The following USP24 variants were observed in gnomAD, a reference collection of about 807,000 sequenced individuals.
USP24 encodes ubiquitin specific peptidase 24.
Under a neutral mutation model 361.6 loss-of-function variants are expected in USP24, and 97 were observed. The observed-to-expected ratio is 0.27, with a 90% CI of 0.23 to 0.32. USP24 has a LOEUF of 0.32. Among genes scored for constraint, USP24 ranks in the 10% least tolerant of loss-of-function variants. The probability of loss-of-function intolerance (pLI) is 1.00; values close to 1 mark genes in which losing one functional copy is unlikely to be tolerated. For synonymous variants in USP24, 1,098 were observed against 1,124.6 expected (o/e 0.98, Z 0.47); for missense variants, 2,353 against 3,165.6 (o/e 0.74, Z 6.16).
At chr1:55,171,128 C>T (rs1649402435) in intron 5 of USP24, among the ~76,000 whole-genome samples, 1 of 152,070 alleles carries the variant, frequency 6.6e-6, no homozygotes, top group Admixed American at 6.5e-5. Context: ...ATACTGGTTC[C>T]AGGCCTGAAA....
intron 38 of USP24, among the ~76,000 whole-genome samples, chr1:55,117,729 C>A (rs538109057): frequency 1.8e-5 from 2 of 109,808 alleles, no homozygotes. Context: ...GGCGACAGAG[C>A]GAGACTCCGT....
chr1:55,163,778 G>T (rs1026821212), intron 7 of USP24, among the ~76,000 whole-genome samples: 1 of 152,020 alleles, frequency 6.6e-6, no homozygotes, highest in Non-Finnish European at 1.5e-5. Flanking sequence ...TGAACAAAAT[G>T]AGGACTGAAA....
chr1:55,124,422 T>C, intron 35 of USP24, 47 bp downstream of exon 35: 1 of 1,563,906 alleles, frequency 6.4e-7, no homozygotes, highest in East Asian at 2.3e-5. Flanking sequence ...ATTCTTATGG[T>C]TATTTCTTAC....
chr1:55,084,527 G>A (rs1330952410), intron 56 of USP24: 1 of 152,276 alleles, frequency 6.6e-6, no homozygotes. Flanking sequence ...AAATTCATCT[G>A]TGATCTAGAT....
At chr1:55,138,493 T>C (rs974230663) in intron 26 of USP24, 115 bp downstream of exon 26, 9 of 684,788 alleles carry the variant, frequency 1.3e-5, no homozygotes, top group African/African-American at 1.3e-4. Context: ...TTATTCTACA[T>C]TTGTTTACCA....
At position 55,081,350 on chromosome 1, in the gene USP24, A is replaced by C; in HGVS notation, c.7050T>G (p.His2350Gln). ...LHNTVALLVL[H>Q]SDVSSQRNVA... ...CATTCCTTTGGGATGAGACATCTGA[A>C]TGCAAAACAAGTAACGCCACTGTAT... Residue 2350 changes from histidine to glutamine, a missense_variant, in exon 59 of 68, where the codon CAT becomes CAG. By Grantham distance (24) the His-to-Gln change is conservative. Around this residue, in one of 8 missense-constraint regions of USP24, gnomAD observed 598 missense variants for 761.9 expected, o/e 0.78. Coordinates refer to ENST00000294383, the MANE Select transcript of USP24 (RefSeq NM_015306.3). The C allele has an allele frequency of 6.2e-7, 1 of 1,613,736 alleles. No homozygotes were observed. Among genetic ancestry groups the C allele is most frequent in the Non-Finnish European group, 8.5e-7 (1 of 1,179,676 alleles).
chr1:55,085,903 AAC>A (rs750203887), intron 56 of USP24, 37 bp downstream of exon 56: 1 of 1,581,386 alleles, frequency 6.3e-7, no homozygotes, highest in Non-Finnish European at 8.7e-7. Flanking sequence ...ATTTGGTAAA[AAC>A]ACAGTGTATA....
At chr1:55,213,265 T>TA (rs1210166866) in intron 1 of USP24, among the ~76,000 whole-genome samples, 2 of 152,268 alleles carry the variant, frequency 1.3e-5, no homozygotes, top group Non-Finnish European at 2.9e-5. Context: ...TATGGGAATT[T>TA]AAAAAAATTC....
At position 55,142,228 on chromosome 1, in the gene USP24, G is replaced by A. The variant is rs115171970; in HGVS notation, c.2635-497C>T. Among the ~76,000 whole-genome samples, 62 of 152,182 alleles carry A rather than the reference G, an allele frequency of 4.1e-4. 1 individual carries two copies. The highest frequency in any genetic ancestry group is 1.3e-3 in the African/African-American group (55 of 41,524). ...AATATGAATGTTTAAGGCTTTAACC[G>A]TCATGCTGGAAATAAAAGAGATACA... On this transcript the variant is annotated intron_variant, in intron 23 of 67. Transcript: ENST00000294383.
intron 8 of USP24, among the ~76,000 whole-genome samples, chr1:55,161,248 T>C (rs944334540): frequency 2.6e-5 from 4 of 151,816 alleles, no homozygotes; most frequent in African/African-American, 9.7e-5. Flanking sequence ...GGCACGTGCA[T>C]GTAGTCCCAG....
At position 55,129,586 on chromosome 1, in the gene USP24, A is replaced by G; in HGVS notation, c.3538-12T>C. On this transcript the variant is annotated splice_polypyrimidine_tract_variant and intron_variant, in intron 31 of 67. Coordinates refer to ENST00000294383, the MANE Select transcript of USP24 (RefSeq NM_015306.3). The stretch of plus-strand genomic sequence containing the variant: ...TTGGAGCTTAGAACCTAGGGAACAG[A>G]TAAGCACAATTATTCATCCACACAT... The G allele has an allele frequency of 6.2e-7, 1 of 1,607,266 alleles. No individual in the cohort carries two copies. Among genetic ancestry groups the G allele is most frequent in the Admixed American group, 1.7e-5 (1 of 59,792 alleles).
At chr1:55,103,444 T>C (rs1040909962) in intron 42 of USP24, among the ~76,000 whole-genome samples, 1 of 152,236 alleles carries the variant, frequency 6.6e-6, no homozygotes, top group Non-Finnish European at 1.5e-5. Context: ...CCTATTTTCA[T>C]TTTTGACCTC....
At position 55,154,668 on chromosome 1, in the gene USP24, T is replaced by C. The variant is rs1287678728; in HGVS notation, c.1554+3A>G. On this transcript the variant is annotated splice_donor_region_variant and intron_variant, in intron 13 of 67. Coordinates refer to ENST00000294383, the MANE Select transcript of USP24 (RefSeq NM_015306.3). ...AAGTAAGCAAGTCTGACTGAACACG[T>C]ACCTTCTGAATGAGAACAAACAAAT... The C allele has an allele frequency of 6.2e-7, 1 of 1,612,294 alleles. No homozygotes were observed. Among genetic ancestry groups the C allele is most frequent in the Admixed American group, 1.7e-5 (1 of 59,832 alleles).
chr1:55,072,824 G>A lies in USP24; in HGVS notation c.7564C>T (p.His2522Tyr), dbSNP rs756133834. 39 of 1,607,952 alleles carry A rather than the reference G, an allele frequency of 2.4e-5. No homozygotes were observed. In the Admixed American group the frequency reaches 6.4e-4, roughly 26 times the overall value. The stretch of plus-strand genomic sequence containing the variant: ...CACTGCACAGCCCAGCTCCAGTGGT[G>A]GGAATTCTCCTTGAAGTACTCCTTA... ...AAKEYFKENS[H>Y]HWSWAVQWLQ... The change falls in exon 65 of 68, where the codon CAC (histidine) becomes TAC (tyrosine). Residue 2522 changes from histidine (H) to tyrosine (Y), a missense_variant. His to Tyr is a moderately conservative substitution (Grantham distance 83, BLOSUM62 2). Transcript: ENST00000294383.
At chr1:55,127,818 C>T (rs1646477991) in intron 32 of USP24, among the ~76,000 whole-genome samples, 2 of 152,068 alleles carry the variant, frequency 1.3e-5, no homozygotes, top group Admixed American at 1.3e-4. Flanking sequence ...CTGATGACCA[C>T]CCTCAGTTAT....
At chr1:55,089,134 T>C (rs955777595) in intron 55 of USP24, among the ~76,000 whole-genome samples, 11 of 152,244 alleles carry the variant, frequency 7.2e-5, no homozygotes, top group African/African-American at 2.6e-4. Flanking sequence ...TCTTGATCTC[T>C]TGACCTCATG....
At position 55,095,139 on chromosome 1, in the gene USP24, T is replaced by C. The variant is rs905473026; in HGVS notation, c.6203+116A>G. On this transcript the variant is annotated intron_variant, in intron 51 of 67. Coordinates refer to ENST00000294383, the MANE Select transcript of USP24 (RefSeq NM_015306.3). ...GATTTATTTTCTTTTTGGAATTCTT[T>C]TTAGAATTTCTCTCCAGCTTAGCTA... The C allele has an allele frequency of 1.5e-5, 19 of 1,242,058 alleles. No homozygotes were observed. In the Admixed American group the frequency reaches 2.3e-4, roughly 15 times the overall value. The allele number at this position is 1,242,058 out of a possible 1,614,324, so 76.9% of individuals were successfully genotyped here. A position where few individuals can be genotyped will look rare whatever the true frequency, so the allele number is the denominator to read the frequency against.
Position 55,189,057 on chromosome 1 carries a change from T to C in USP24, c.325-10925A>G, listed in dbSNP as rs925109844. On this transcript the variant is annotated intron_variant, in intron 1 of 67. Transcript: ENST00000294383. Reference sequence around the variant, plus strand: ...AATTGGAAACTTCACACACTGCTGATTGATTATAAAATGGGGCCACCGCTT... The same window carrying C: ...AATTGGAAACTTCACACACTGCTGACTGATTATAAAATGGGGCCACCGCTT... Among the ~76,000 whole-genome samples the C allele has an allele frequency of 3.2e-4, 48 of 151,018 alleles. 1 individual carries two copies. Among genetic ancestry groups the C allele is most frequent in the Non-Finnish European group, 1.3e-4 (9 of 67,940 alleles).
At chr1:55,096,458 TA>T (rs756981822) in intron 50 of USP24, 39 bp downstream of exon 50, 16 of 1,444,682 alleles carry the variant, frequency 1.1e-5, no homozygotes, top group Admixed American at 2.6e-5. Flanking sequence ...AAACGATAAA[TA>T]AAAAAACTAA....
Sources: gnomAD v4.1 joint callset for allele counts (sites outside exome capture counted in the v4.1 genomes callset) on GRCh38, gnomAD v4.1.1 for gene constraint, gnomAD v4.1.1 regional missense constraint, MANE v1.5 for transcripts, NCBI Gene and HGNC (gene_info 2026-07-23, HGNC 2026-07-21) for gene names.